BANP: variants seen among roughly 807,000 people sequenced by gnomAD.
BANP encodes the protein BTG3 associated nuclear protein, also known as protein BANP.
Under a neutral mutation model 68.1 loss-of-function variants are expected in BANP, and 11 were observed. The observed-to-expected ratio is 0.16, with a 90% confidence interval of 0.10 to 0.27. BANP has a LOEUF of 0.27. BANP is among the 10% of genes least tolerant of loss of function. BANP has a pLI of 1.00. For synonymous variants in BANP, 329 were observed against 303.2 expected, an observed-to-expected ratio of 1.09 and a Z score of -0.88; for missense variants, 504 against 722.7, an observed-to-expected ratio of 0.70 and a Z score of 3.47.
intron 6 of BANP, among the ~76,000 whole-genome samples, chr16:88,009,956 G>A (rs1406434812): frequency 6.6e-6 from 1 of 152,014 alleles, no homozygotes; most frequent in Non-Finnish European, 1.5e-5. Flanking sequence ...GGAATAAGAA[G>A]GACTGTAGCT....
chr16:87,974,590 C>G (rs979492057), intron 1 of BANP, among the ~76,000 whole-genome samples: 1 of 152,106 alleles, frequency 6.6e-6, no homozygotes, highest in African/African-American at 2.4e-5. Flanking sequence ...GGAGAGGTGG[C>G]GTATCACCAC....
At chr16:87,979,234 T>G (rs755988665) in intron 2 of BANP, among the ~76,000 whole-genome samples, 1 of 152,102 alleles carries the variant, frequency 6.6e-6, no homozygotes, top group Non-Finnish European at 1.5e-5. Context: ...TGAGGGGAGT[T>G]GCTTTGGTGG....
At chr16:87,967,953 C>T (rs944644692) in intron 1 of BANP, among the ~76,000 whole-genome samples, 4 of 150,132 alleles carry the variant, frequency 2.7e-5, no homozygotes, top group South Asian at 2.1e-4. Context: ...ACAGGTTCAC[C>T]GTGTTGGTCA....
rs946064585 is a variant in BANP, at chr16:88,004,795, G to A, written c.479+384G>A. Among the ~76,000 whole-genome samples, 2 of 152,256 alleles carry A rather than the reference G, an allele frequency of 1.3e-5. No homozygotes were observed. Among genetic ancestry groups the A allele is most frequent in the Non-Finnish European group, 2.9e-5 (2 of 68,042 alleles). On this transcript the variant is annotated intron_variant, in intron 5 of 13. Transcript: ENST00000682872. This position sits in a 1 kb window ranked among gnomAD's most constrained non-coding sequence, Gnocchi z 7.0. ...AGACGCCCTCTCCCACGGTTGCTAAGTGGTGCAGGCATGTTGAGTTTATGA... is the reference window on the plus strand; with the variant it reads ...AGACGCCCTCTCCCACGGTTGCTAAATGGTGCAGGCATGTTGAGTTTATGA...
chr16:88,076,183 C>T (rs1001644238), intron 13 of BANP, among the ~76,000 whole-genome samples: 7 of 152,212 alleles, frequency 4.6e-5, no homozygotes, highest in Non-Finnish European at 7.3e-5. Flanking sequence ...AACATTGGGA[C>T]AGTGTTTATA....
chr16:88,051,342 C>T (rs1246259684), intron 11 of BANP, among the ~76,000 whole-genome samples: 1 of 152,226 alleles, frequency 6.6e-6, no homozygotes, highest in East Asian at 1.9e-4. Flanking sequence ...GGTACGGCAC[C>T]TTTCAGGGCC....
chr16:88,032,259 T>C (rs912134358), intron 8 of BANP, among the ~76,000 whole-genome samples: 1 of 151,596 alleles, frequency 6.6e-6, no homozygotes, highest in Non-Finnish European at 1.5e-5. Flanking sequence ...TGGAGTGTAG[T>C]GGTGCCATTT....
At chr16:87,969,037 A>G (rs2060637933) in intron 1 of BANP, among the ~76,000 whole-genome samples, 1 of 152,146 alleles carries the variant, frequency 6.6e-6, no homozygotes, top group African/African-American at 2.4e-5. Context: ...CATACTTCTT[A>G]AAAATAAAGC....
At chr16:87,997,795 G>T (rs1373432079) in intron 4 of BANP, among the ~76,000 whole-genome samples, 2 of 152,284 alleles carry the variant, frequency 1.3e-5, no homozygotes, top group Non-Finnish European at 2.9e-5. Flanking sequence ...GAAGCACTCA[G>T]TACTCCTTGA....
At chr16:88,055,103 TTTTTTTGCCC>T (rs1450290607) in intron 11 of BANP, among the ~76,000 whole-genome samples, 43 of 152,284 alleles carry the variant, frequency 2.8e-4, no homozygotes, top group African/African-American at 1.0e-3. Flanking sequence ...TTTAATACTT[TTTTTTTGCCC>T]TTTTTTGCCC....
At chr16:88,040,554 C>A (rs1360052564) in intron 11 of BANP, among the ~76,000 whole-genome samples, 1 of 152,030 alleles carries the variant, frequency 6.6e-6, no homozygotes, top group African/African-American at 2.4e-5. Context: ...TACAGAAGCC[C>A]CGAGCAGTGC....
chr16:87,975,074 G>A lies in BANP; in HGVS notation c.-42G>A. On this transcript the variant is annotated 5_prime_UTR_variant, in exon 2 of 14. Transcript: ENST00000682872. The stretch of plus-strand genomic sequence containing the variant: ...TGACCAAAAGCCAGCCCCACTGTGA[G>A]TTGAACTCTTTCGTGTTGACCGGCC... 6.3e-7 allele frequency: 1 copy of A among 1,583,032 alleles called. No individual in the cohort carries two copies.
chr16:88,015,606 G>T (rs569652764), intron 6 of BANP, among the ~76,000 whole-genome samples: 1 of 152,354 alleles, frequency 6.6e-6, no homozygotes, highest in South Asian at 2.1e-4. Flanking sequence ...CCTGCTTGGG[G>T]TCACCCGTTC....
chr16:88,065,617 A>G (rs185858443), intron 12 of BANP, among the ~76,000 whole-genome samples: 4 of 152,320 alleles, frequency 2.6e-5, no homozygotes, highest in South Asian at 4.1e-4. Context: ...TGAAGACACA[A>G]CAGGAACGGG....
chr16:87,998,037 C>G (rs536518529), intron 4 of BANP, among the ~76,000 whole-genome samples: 1 of 152,208 alleles, frequency 6.6e-6, no homozygotes, highest in East Asian at 1.9e-4. Context: ...GATTCTCAGT[C>G]TTTGCTTTCG....
intron 11 of BANP, among the ~76,000 whole-genome samples, chr16:88,059,598 T>C (rs2086137666): frequency 6.6e-6 from 1 of 151,926 alleles, no homozygotes; most frequent in Admixed American, 6.6e-5. Context: ...GGCCATCACC[T>C]CGTCTCGGCC....
rs1161689994 is a variant in BANP at position 88,004,377 on chromosome 16, A to C, written c.445A>C (p.Arg149=). The change falls in exon 5 of 14, where the codon AGG becomes CGG. Residue 149 remains arginine (R), a synonymous_variant. Coordinates refer to ENST00000682872, the MANE Select transcript of BANP (RefSeq NM_001386991.1). This position sits in a 1 kb window ranked among gnomAD's most constrained non-coding sequence, Gnocchi z 7.0. ...CAAGATGGAAGACCCCTTGAGCAACAGGGCACCGGATTCCCTGGAAAATGT... is the reference window on the plus strand; with the variant it reads ...CAAGATGGAAGACCCCTTGAGCAACCGGGCACCGGATTCCCTGGAAAATGT... ...VAKMEDPLSN[R]APDSLENVIS... is the part of the protein sequence containing the mutation. The C allele has an allele frequency of 9.1e-6, 14 of 1,546,222 alleles. No homozygotes were observed. Among genetic ancestry groups the C allele is most frequent in the Non-Finnish European group, 1.2e-5 (14 of 1,143,558 alleles).
chr16:88,061,001 A>G (rs576405544), intron 11 of BANP, among the ~76,000 whole-genome samples: 2 of 152,130 alleles, frequency 1.3e-5, no homozygotes, highest in African/African-American at 4.8e-5. Context: ...AGACACACAC[A>G]TGGTTAAGGT....
At chr16:88,033,082 C>G (rs773039414) in intron 8 of BANP, 27 bp from the exon 9 acceptor site, 1 of 1,571,954 alleles carries the variant, frequency 6.4e-7, no homozygotes, top group Non-Finnish European at 8.7e-7. Context: ...TTCTCGTTCA[C>G]CCCGTTCACA....
Sources: gnomAD v4.1 joint callset for allele counts (sites outside exome capture counted in the v4.1 genomes callset) on GRCh38, gnomAD v4.1.1 for gene constraint, Gnocchi (gnomAD v3.1) non-coding constraint, MANE v1.5 for transcripts, NCBI Gene and HGNC (gene_info 2026-07-23, HGNC 2026-07-21) for gene names.